The following ATP13A4 variants were observed in gnomAD, a reference collection of about 807,000 sequenced individuals.
The protein encoded by ATP13A4 is ATPase 13A4.
Under a neutral mutation model 142.5 loss-of-function variants are expected in ATP13A4, and 114 were observed. That is an observed-to-expected ratio of 0.80 (90% CI 0.69 to 0.93). The LOEUF (loss-of-function observed/expected upper bound fraction) is 0.93, where lower values mean the gene tolerates loss of function less well. ATP13A4 is among the 40% of genes least tolerant of loss of function. The probability of loss-of-function intolerance (pLI) is 0.00; values close to 1 mark genes in which losing one functional copy is unlikely to be tolerated. For missense variants in ATP13A4, 1,392 were observed against 1,454.0 expected (o/e 0.96, Z 0.69); for synonymous variants, 488 against 514.8 (o/e 0.95, Z 0.70).
At chr3:193,413,664 G>A (rs1714895073) in intron 26 of ATP13A4, among the ~76,000 whole-genome samples, 1 of 152,156 alleles carries the variant, frequency 6.6e-6, no homozygotes, top group Admixed American at 6.6e-5. Flanking sequence ...GATAAGGACT[G>A]AAATACACCC....
rs149265075 is a variant in ATP13A4 at position 193,591,389 on chromosome 3, A to G, written n.91+1632T>C. 1.9e-4 allele frequency among the ~76,000 whole-genome samples: 29 copies of G among 152,352 alleles called. No homozygotes were observed. In the East Asian group the frequency reaches 5.4e-3, roughly 28 times the overall value. On this transcript the variant is annotated intron_variant and non_coding_transcript_variant, in intron 1 of 3. Coordinates refer to the ATP13A4 transcript ENST00000489140. Reference sequence around the variant, plus strand: ...AGGCCAACACTGTCTAAACCAAACAAAACAGGTCTGTGGGCTGAATTTGGT... The same window carrying G: ...AGGCCAACACTGTCTAAACCAAACAGAACAGGTCTGTGGGCTGAATTTGGT...
chr3:193,538,095 A>G lies in ATP13A4; in HGVS notation c.60+16645T>C, dbSNP rs1474097338. 5.3e-5 allele frequency among the ~76,000 whole-genome samples: 8 copies of G among 152,274 alleles called. No homozygotes were observed. The South Asian group carries it at 1.0e-3, about 20-fold the overall frequency. ...ACTATAGTTTTGTAAGACATTGCCAATGGGGGAAACTGGGTAAAGGGTACT... is the reference window on the plus strand; with the variant it reads ...ACTATAGTTTTGTAAGACATTGCCAGTGGGGGAAACTGGGTAAAGGGTACT... On this transcript the variant is annotated intron_variant, in intron 1 of 29. Coordinates refer to ENST00000342695, the MANE Select transcript of ATP13A4 (RefSeq NM_032279.4).
At chr3:193,574,081 C>T (rs1413018684) in intron 2 of ATP13A4, among the ~76,000 whole-genome samples, 1 of 152,076 alleles carries the variant, frequency 6.6e-6, no homozygotes, top group Admixed American at 6.5e-5. Context: ...TAGAGAAATT[C>T]ATTCTAAAAA....
chr3:193,527,824 C>T lies in ATP13A4; in HGVS notation c.61-12953G>A, dbSNP rs570180599. On this transcript the variant is annotated intron_variant, in intron 1 of 29. Transcript: ENST00000342695. The stretch of plus-strand genomic sequence containing the variant: ...ATAGCAGTGTGAAACTGGACTAATA[C>T]ACCCTGTCTGGGCCTGTTTGTCCAT... Among the ~76,000 whole-genome samples the T allele has an allele frequency of 2.1e-4, 32 of 152,266 alleles. 1 individual carries two copies. The highest frequency in any genetic ancestry group is 1.5e-3 in the East Asian group (8 of 5,172).
intron 1 of ATP13A4, among the ~76,000 whole-genome samples, chr3:193,587,889 C>A (rs1007487290): frequency 4.6e-5 from 7 of 152,028 alleles, no homozygotes; most frequent in Non-Finnish European, 1.0e-4. Context: ...CTTTGGGAGG[C>A]TGAGGCAAGA....
intron 1 of ATP13A4, among the ~76,000 whole-genome samples, chr3:193,583,251 G>A (rs560424561): frequency 5.9e-5 from 9 of 151,684 alleles, no homozygotes; most frequent in Non-Finnish European, 7.4e-5. Flanking sequence ...TGGCCAACGT[G>A]GCGAAACCCC....
intron 1 of ATP13A4, among the ~76,000 whole-genome samples, chr3:193,587,667 G>T (rs796379167): frequency 6.6e-6 from 1 of 152,166 alleles, no homozygotes. Context: ...TCTGGTGTTT[G>T]CTTTTTATTA....
At chr3:193,538,863 G>T (rs1173190176) in intron 1 of ATP13A4, among the ~76,000 whole-genome samples, 39 of 151,050 alleles carry the variant, frequency 2.6e-4, no homozygotes, top group Non-Finnish European at 1.5e-5. Context: ...AAATGGAGGT[G>T]GCTATTTTTC....
At chr3:193,567,967 CT>C (rs372559725) in intron 2 of ATP13A4, among the ~76,000 whole-genome samples, 23 of 147,178 alleles carry the variant, frequency 1.6e-4, no homozygotes, top group East Asian at 2.0e-4. Flanking sequence ...CTTTTCTTTT[CT>C]TTTTTTTTTA....
At chr3:193,477,527 G>A (rs1458675598) in intron 8 of ATP13A4, among the ~76,000 whole-genome samples, 4 of 152,012 alleles carry the variant, frequency 2.6e-5, no homozygotes, top group Admixed American at 6.6e-5. Flanking sequence ...GAATAAAAAG[G>A]ATGAGAATTA....
intron 1 of ATP13A4, among the ~76,000 whole-genome samples, chr3:193,588,818 G>A (rs955300680): frequency 1.3e-5 from 2 of 152,030 alleles, no homozygotes; most frequent in African/African-American, 4.8e-5. Context: ...AGTTGAGGGT[G>A]GGAACTGTGG....
intron 2 of ATP13A4, among the ~76,000 whole-genome samples, chr3:193,573,279 A>ATATATATATATATG (rs1560287245): frequency 4.0e-5 from 4 of 99,808 alleles, no homozygotes; most frequent in African/African-American, 1.5e-4. Context: ...ATATATACAT[A>ATATATATATATATG]TATATATATA....
chr3:193,486,470 G>C (rs948062558), intron 7 of ATP13A4, among the ~76,000 whole-genome samples: 1 of 152,170 alleles, frequency 6.6e-6, no homozygotes, highest in African/African-American at 2.4e-5. Flanking sequence ...AAAATCAAAG[G>C]ACTTTCTGTG....
At chr3:193,507,657 C>T (rs1193138866) in intron 2 of ATP13A4, among the ~76,000 whole-genome samples, 1 of 152,130 alleles carries the variant, frequency 6.6e-6, no homozygotes, top group Non-Finnish European at 1.5e-5. Context: ...GGATTTGGGG[C>T]TTGCTCATTT....
At chr3:193,485,548 T>C (rs1167465674) in intron 7 of ATP13A4, among the ~76,000 whole-genome samples, 1 of 152,164 alleles carries the variant, frequency 6.6e-6, no homozygotes, top group Non-Finnish European at 1.5e-5. Flanking sequence ...GAAGCAGTTA[T>C]GAAAATCCAA....
chr3:193,536,657 T>C (rs1722605331), intron 1 of ATP13A4, among the ~76,000 whole-genome samples: 1 of 151,944 alleles, frequency 6.6e-6, no homozygotes, highest in Non-Finnish European at 1.5e-5. Context: ...GAAAAGGAAA[T>C]AAAAGGCATA....
chr3:193,403,560 A>C (rs566097013), intron 29 of ATP13A4, among the ~76,000 whole-genome samples: 2 of 152,334 alleles, frequency 1.3e-5, no homozygotes, highest in African/African-American at 4.8e-5. Context: ...ACAAATGGCT[A>C]TGCACTGTGG....
intron 22 of ATP13A4, 98 bp from the exon 23 acceptor site, chr3:193,438,682 T>G (rs1434985533): frequency 9.7e-6 from 10 of 1,033,484 alleles, no homozygotes; most frequent in Non-Finnish European, 1.5e-5. Flanking sequence ...ACAAGGTGGT[T>G]TGTGTGCCCA....
intron 17 of ATP13A4, among the ~76,000 whole-genome samples, 157 bp from the exon 18 acceptor site, chr3:193,448,487 C>G (rs549950645): frequency 1.3e-5 from 2 of 152,284 alleles, no homozygotes; most frequent in South Asian, 2.1e-4. Context: ...AGGTGCCCAC[C>G]ACCACGCCCG....
Sources: allele counts gnomAD v4.1 joint callset (sites outside exome capture counted in the v4.1 genomes callset), GRCh38; gene constraint gnomAD v4.1.1; transcripts MANE v1.5; gene names NCBI Gene and HGNC (gene_info 2026-07-23, HGNC 2026-07-21).